RPS4Y1: variants seen among roughly 807,000 people sequenced by gnomAD.
RPS4Y1 encodes ribosomal protein S4 Y-linked 1.
For synonymous variants in RPS4Y1, 23 were observed against 20.8 expected, an observed-to-expected ratio of 1.10 and a Z score of -0.28; for missense variants, 30 against 60.9, an observed-to-expected ratio of 0.49 and a Z score of 1.69.
intron 3 of RPS4Y1, among the ~76,000 whole-genome samples, chrY:2,845,291 T>A (rs2051151892): frequency 6.1e-5 from 2 of 32,776 alleles, no homozygotes; most frequent in Non-Finnish European, 1.5e-4. Flanking sequence ...CTTGCTTAAA[T>A]GTGAGGTCTG....
At chrY:2,849,896 G>C (rs2051155034) in intron 4 of RPS4Y1, among the ~76,000 whole-genome samples, 1 of 33,735 alleles carries the variant, frequency 3.0e-5, no homozygotes, top group Non-Finnish European at 7.4e-5. Context: ...TTTTGCAGGA[G>C]CACTCCCACT....
intron 1 of RPS4Y1, chrY:2,841,935 T>C: frequency 2.7e-6 from 1 of 377,259 alleles, no homozygotes; most frequent in Non-Finnish European, 3.7e-6. Flanking sequence ...GTGGACGCTC[T>C]CTTGACGGAT....
chrY:2,859,905 C>T (rs2051162455), intron 5 of RPS4Y1, among the ~76,000 whole-genome samples: 1 of 32,096 alleles, frequency 3.1e-5, no homozygotes, highest in Non-Finnish European at 7.6e-5. Context: ...TTTTTTCTTT[C>T]ATTTTGAAAG....
chrY:2,852,691 C>T, intron 4 of RPS4Y1, among the ~76,000 whole-genome samples: 1 of 33,608 alleles, frequency 3.0e-5, no homozygotes, highest in Non-Finnish European at 7.4e-5. Flanking sequence ...ATTTGAAGAG[C>T]GTGCTCTCAT....
At chrY:2,854,126 C>T (rs1053251995) in intron 4 of RPS4Y1, 6 of 36,919 alleles carry the variant, frequency 1.6e-4, no homozygotes, top group Admixed American at 7.0e-4. Flanking sequence ...CCACCGCACC[C>T]GGCAAAAGCC....
intron 5 of RPS4Y1, among the ~76,000 whole-genome samples, chrY:2,859,875 G>A: frequency 3.1e-5 from 1 of 32,070 alleles, no homozygotes; most frequent in African/African-American, 1.2e-4. Flanking sequence ...AGTGGCTTTT[G>A]CTTACCTTGG....
intron 1 of RPS4Y1, chrY:2,841,961 C>A: frequency 2.7e-6 from 1 of 375,203 alleles, no homozygotes; most frequent in Non-Finnish European, 3.7e-6. Flanking sequence ...GGAGACCCGC[C>A]AAGTTTTCAA....
chrY:2,856,067 C>A, intron 5 of RPS4Y1, among the ~76,000 whole-genome samples: 2 of 33,723 alleles, frequency 5.9e-5, no homozygotes, highest in African/African-American at 2.3e-4. Context: ...AAAAATGTTA[C>A]GAAGCTGGAG....
intron 4 of RPS4Y1, among the ~76,000 whole-genome samples, chrY:2,846,791 G>C: frequency 6.0e-5 from 2 of 33,469 alleles, no homozygotes; most frequent in Non-Finnish European, 1.5e-4. Flanking sequence ...TCTGATGACT[G>C]GTTTCTGCTT....
At position 2,853,899 on chromosome Y, in the gene RPS4Y1, C is replaced by A; in HGVS notation, c.361-701C>A. Reference sequence around the variant, plus strand: ...CCAGGCTGGAGTGCAGTGGTGCAATCTCGGTTCACTGCAACCTGCACCTTC... The same window carrying A: ...CCAGGCTGGAGTGCAGTGGTGCAATATCGGTTCACTGCAACCTGCACCTTC... On this transcript the variant is annotated intron_variant, in intron 4 of 6. Transcript: ENST00000250784. Among the ~76,000 whole-genome samples the A allele has an allele frequency of 1.3e-4, 4 of 31,572 alleles. No homozygotes were observed. In the East Asian group the frequency reaches 3.2e-3, roughly 26 times the overall value. 84.7% of individuals were successfully genotyped at this position (31,572 alleles called of 37,273 possible). A position where few individuals can be genotyped will look rare whatever the true frequency, so the allele number is the denominator to read the frequency against.
chrY:2,842,312 T>A (rs748430772), intron 2 of RPS4Y1, 70 bp downstream of exon 2: 16 of 265,002 alleles, frequency 6.0e-5, no homozygotes. Flanking sequence ...TAAATACCTG[T>A]GGCTCGGTAT....
intron 4 of RPS4Y1, among the ~76,000 whole-genome samples, chrY:2,853,738 A>G (rs2051157703): frequency 5.9e-5 from 2 of 33,965 alleles, no homozygotes; most frequent in African/African-American, 2.3e-4. Flanking sequence ...GGGTTGTGCC[A>G]TTTAAAAATG....
chrY:2,852,755 G>T (rs2051156963), intron 4 of RPS4Y1, among the ~76,000 whole-genome samples: 1 of 33,681 alleles, frequency 3.0e-5, no homozygotes, highest in Non-Finnish European at 7.4e-5. Context: ...GCTTGGATAT[G>T]CCAGGCTGAT....
At chrY:2,848,652 G>A in intron 4 of RPS4Y1, among the ~76,000 whole-genome samples, 1 of 33,646 alleles carries the variant, frequency 3.0e-5, no homozygotes, top group African/African-American at 1.2e-4. Flanking sequence ...TACAAATTAT[G>A]ACTGGTCAAG....
chrY:2,851,529 T>A, intron 4 of RPS4Y1, among the ~76,000 whole-genome samples: 2 of 33,695 alleles, frequency 5.9e-5, no homozygotes, highest in Admixed American at 2.6e-4. Flanking sequence ...TTGGTGCTTA[T>A]GGACTATAGC....
At chrY:2,852,542 G>C (rs2051156868) in intron 4 of RPS4Y1, among the ~76,000 whole-genome samples, 2 of 33,988 alleles carry the variant, frequency 5.9e-5, no homozygotes, top group African/African-American at 2.3e-4. Flanking sequence ...TCAATTCTTT[G>C]CTTAACTCAC....
intron 6 of RPS4Y1, among the ~76,000 whole-genome samples, chrY:2,866,395 C>T: frequency 1.8e-4 from 6 of 34,071 alleles, no homozygotes; most frequent in African/African-American, 6.9e-4. Context: ...AGCAGGGGAT[C>T]AGGGAAGTGA....
At position 2,841,624 on chromosome Y, in the gene RPS4Y1, C is replaced by A; in HGVS notation, c.-1C>A. ...ATTCTCTTCCGTCGCAGAGTTTCGC[C>A]ATGGTAAGACCGATAGTTCCTAACT... On this transcript the variant is annotated 5_prime_UTR_variant, in exon 1 of 7. Transcript: ENST00000250784. The A allele has an allele frequency of 5.1e-6, 2 of 395,865 alleles. No homozygotes were observed. The highest frequency in any genetic ancestry group is 7.1e-6 in the Non-Finnish European group (2 of 280,957).
chrY:2,859,047 A>G (rs2051161775), intron 5 of RPS4Y1, among the ~76,000 whole-genome samples: 1 of 33,286 alleles, frequency 3.0e-5, no homozygotes, highest in Non-Finnish European at 7.4e-5. Context: ...TTTTTGACTT[A>G]TAGTCTATTT....
Sources: allele counts gnomAD v4.1 joint callset (sites outside exome capture counted in the v4.1 genomes callset), GRCh38; gene constraint gnomAD v4.1.1; transcripts MANE v1.5; gene names NCBI Gene and HGNC (gene_info 2026-07-23, HGNC 2026-07-21).